The following IFT88 variants were observed in gnomAD, a reference collection of about 807,000 sequenced individuals.
IFT88 encodes intraflagellar transport protein 88 homolog.
A neutral mutation model predicts 119.5 loss-of-function variants in IFT88; 74 were observed. The ratio of observed to expected loss-of-function variants is 0.62; its 90% CI spans 0.51 to 0.75. The LOEUF is 0.75. IFT88 is among the 30% of genes least tolerant of loss of function. The probability of loss-of-function intolerance (pLI) is 0.00; values close to 1 mark genes in which losing one functional copy is unlikely to be tolerated. For missense variants in IFT88, 961 were observed against 977.7 expected (o/e 0.98, Z 0.23); for synonymous variants, 279 against 316.7 (o/e 0.88, Z 1.26).
intron 20 of IFT88, among the ~76,000 whole-genome samples, chr13:20,645,422 T>C (rs2050595933): frequency 6.6e-6 from 1 of 152,196 alleles, no homozygotes; most frequent in Non-Finnish European, 1.5e-5. Flanking sequence ...TTTTATTCCA[T>C]TTTACTTGGT....
intron 23 of IFT88, among the ~76,000 whole-genome samples, chr13:20,667,006 C>G (rs2054820524): frequency 6.6e-6 from 1 of 152,152 alleles, no homozygotes; most frequent in Non-Finnish European, 1.5e-5. Context: ...ACCCACTTCG[C>G]AGAATAACAT....
At chr13:20,653,798 A>G (rs1025362190) in intron 20 of IFT88, 78 bp from the exon 21 acceptor site, 2 of 692,814 alleles carry the variant, frequency 2.9e-6, no homozygotes, top group Admixed American at 2.8e-5. Flanking sequence ...ATTGTAAAAT[A>G]GTAGATACAT....
In IFT88 at chr13:20,617,983, G is replaced by A. The variant is rs562121339; in HGVS notation, c.1199+2104G>A. Among the ~76,000 whole-genome samples the A allele has an allele frequency of 5.3e-5, 8 of 152,068 alleles. No individual in the cohort carries two copies. The South Asian group carries it at 1.5e-3, about 28-fold the overall frequency. On this transcript the variant is annotated intron_variant, in intron 14 of 25. Transcript: ENST00000351808. The stretch of plus-strand genomic sequence containing the variant: ...GTATTTTTAGTAGAGACAGGGTTTC[G>A]CCGTGTTGGCTGGGCTGGTCTCGAA...
chr13:20,609,725 T>C (rs1284451214), intron 13 of IFT88, among the ~76,000 whole-genome samples: 1 of 151,954 alleles, frequency 6.6e-6, no homozygotes, highest in African/African-American at 2.4e-5. Flanking sequence ...GCCTGGCCAA[T>C]AGAGTGAGAC....
intron 2 of IFT88, among the ~76,000 whole-genome samples, chr13:20,575,776 C>T (rs1156294363): frequency 1.3e-5 from 2 of 152,198 alleles, no homozygotes; most frequent in Non-Finnish European, 1.5e-5. Flanking sequence ...AAAGTAACTG[C>T]AGTTTTTGCC....
At chr13:20,630,575 T>A (rs1469932677) in intron 15 of IFT88, among the ~76,000 whole-genome samples, 1 of 152,154 alleles carries the variant, frequency 6.6e-6, no homozygotes, top group East Asian at 1.9e-4. Context: ...ATCATATTTT[T>A]ATTTTTTTAG....
chr13:20,575,853 A>G (rs1049416568), intron 2 of IFT88, among the ~76,000 whole-genome samples: 14 of 152,246 alleles, frequency 9.2e-5, no homozygotes, highest in African/African-American at 3.4e-4. Context: ...GGCCTGGTAC[A>G]TACTGATTTC....
At chr13:20,607,471 C>A (rs563733002) in intron 13 of IFT88, 25 of 674,616 alleles carry the variant, frequency 3.7e-5, no homozygotes, top group African/African-American at 3.4e-4. Context: ...TCATCAGCGG[C>A]GTCCTGATGG....
intron 1 of IFT88, among the ~76,000 whole-genome samples, chr13:20,569,521 C>T (rs547336633): frequency 7.3e-5 from 11 of 150,524 alleles, no homozygotes; most frequent in East Asian, 2.0e-4. Flanking sequence ...TTCAGTGAGC[C>T]GAGATCGCGC....
intron 1 of IFT88, among the ~76,000 whole-genome samples, chr13:20,573,407 C>G (rs2036769299): frequency 6.6e-6 from 1 of 152,108 alleles, no homozygotes; most frequent in Admixed American, 6.5e-5. Flanking sequence ...TCTGAGTGTT[C>G]TGGGCAGGCA....
intron 24 of IFT88, among the ~76,000 whole-genome samples, chr13:20,672,098 T>C (rs2141004214): frequency 6.6e-6 from 1 of 152,278 alleles, no homozygotes; most frequent in Middle Eastern, 3.4e-3. Flanking sequence ...GAAATGTACA[T>C]GAGTTTTCAA....
chr13:20,631,308 AAGGG>A, intron 16 of IFT88: 1 of 505,582 alleles, frequency 2.0e-6, no homozygotes, highest in Non-Finnish European at 3.6e-6. Context: ...TCTGAAGGAG[AAGGG>A]AGGAAGAAAA....
intron 24 of IFT88, among the ~76,000 whole-genome samples, chr13:20,671,754 T>C (rs2055901788): frequency 6.6e-6 from 1 of 152,194 alleles, no homozygotes; most frequent in African/African-American, 2.4e-5. Flanking sequence ...TAAAAATAAA[T>C]GTCGAATTGG....
At chr13:20,618,399 A>G (rs747416291) in intron 14 of IFT88, among the ~76,000 whole-genome samples, 23 of 152,164 alleles carry the variant, frequency 1.5e-4, no homozygotes, top group Non-Finnish European at 2.6e-4. Context: ...TCTGATACCT[A>G]CTATACTGTA....
intron 24 of IFT88, among the ~76,000 whole-genome samples, chr13:20,681,019 A>G (rs1594898764): frequency 6.6e-6 from 1 of 152,208 alleles, no homozygotes; most frequent in East Asian, 1.9e-4. Flanking sequence ...GTGGAGTCCT[A>G]TAATCACTGT....
At chr13:20,681,492 T>C (rs1015259365) in intron 24 of IFT88, among the ~76,000 whole-genome samples, 1 of 152,270 alleles carries the variant, frequency 6.6e-6, no homozygotes, top group Admixed American at 6.5e-5. Context: ...CAGGTAATGC[T>C]GTATCTGCGT....
Position 20,690,721 on chromosome 13 carries a change from T to C in IFT88, c.2259T>C (p.Tyr753=). The C allele has an allele frequency of 6.2e-7, 1 of 1,611,692 alleles. No homozygotes were observed. The highest frequency in any genetic ancestry group is 8.5e-7 in the Non-Finnish European group (1 of 1,177,782). ...GSASGDSGQN[Y]SASSKGERLS... ...TGTTTTCAGATAGTGGCCAGAACTATAGTGCCAGTAGTAAAGGTGAACGAC... is the reference window on the plus strand; with the variant it reads ...TGTTTTCAGATAGTGGCCAGAACTACAGTGCCAGTAGTAAAGGTGAACGAC... The change falls in exon 25 of 26, where the codon TAT becomes TAC. Residue 753 remains tyrosine, a synonymous_variant. Coordinates refer to ENST00000351808, the MANE Select transcript of IFT88 (RefSeq NM_006531.5).
chr13:20,637,924 A>G (rs747118036), intron 16 of IFT88, among the ~76,000 whole-genome samples: 14 of 152,188 alleles, frequency 9.2e-5, no homozygotes, highest in Non-Finnish European at 1.6e-4. Context: ...GAAAAAAACA[A>G]TGGATTGCTA....
rs568875521 is a variant in IFT88 at position 20,612,309 on chromosome 13, T to G, written c.1113-3484T>G. 7 of 152,272 alleles carry G rather than the reference T, an allele frequency of 4.6e-5. No homozygotes were observed. In the East Asian group the frequency reaches 1.4e-3, roughly 29 times the overall value. 9.4% of individuals were successfully genotyped at this position (152,272 alleles called of 1,614,324 possible). On this transcript the variant is annotated intron_variant, in intron 13 of 25. Transcript: ENST00000351808. Reference sequence around the variant, plus strand: ...TCTGCTGTATGCATTGACCTGGTAGTGCAGTAACTCCAGGAACTGTGCACC... The same window carrying G: ...TCTGCTGTATGCATTGACCTGGTAGGGCAGTAACTCCAGGAACTGTGCACC...
Sources: allele counts gnomAD v4.1 joint callset (sites outside exome capture counted in the v4.1 genomes callset), GRCh38; gene constraint gnomAD v4.1.1; transcripts MANE v1.5; gene names NCBI Gene and HGNC (gene_info 2026-07-23, HGNC 2026-07-21).